Variants in ART4 observed in about 807,000 individuals in gnomAD.
The protein encoded by ART4 is ADP-ribosyltransferase 4 (inactive) (Dombrock blood group).
In ART4, 14 loss-of-function variants were observed where a neutral mutation model predicts 24.2. That is an observed-to-expected ratio of 0.58 (90% confidence interval 0.38 to 0.90). The LOEUF is 0.90. Among genes scored for constraint, ART4 ranks in the 40% least tolerant of loss-of-function variants. The pLI, the probability that ART4 is intolerant of heterozygous loss-of-function variation, is 0.00. For missense variants in ART4, 356 were observed against 366.6 expected (o/e 0.97, Z 0.24); for synonymous variants, 145 against 139.9 (o/e 1.04, Z -0.26).
Position 14,828,524 on chromosome 12 carries a change from A to G in ART4, c.*847T>C, listed in dbSNP as rs756556937. The G allele has an allele frequency of 1.3e-5, 2 of 152,184 alleles. No homozygotes were observed. Among genetic ancestry groups the G allele is most frequent in the Non-Finnish European group, 2.9e-5 (2 of 68,020 alleles). 9.4% of individuals were successfully genotyped at this position (152,184 alleles called of 1,614,324 possible). A position where few individuals can be genotyped will look rare whatever the true frequency, so the allele number is the denominator to read the frequency against. ...TCTGAAGAAAATTCACACCTTGGTTAATCTCTGGGGTTCAAAGCTTTTCTG... is the reference window on the plus strand; with the variant it reads ...TCTGAAGAAAATTCACACCTTGGTTGATCTCTGGGGTTCAAAGCTTTTCTG... On this transcript the variant is annotated 3_prime_UTR_variant, in exon 3 of 3. Transcript: ENST00000228936.
rs1452764951 is a variant in ART4 at position 14,827,134 on chromosome 12, G to C, written c.*2237C>G. 2 of 151,838 alleles carry C rather than the reference G, an allele frequency of 1.3e-5. No homozygotes were observed. Among genetic ancestry groups the C allele is most frequent in the Non-Finnish European group, 2.9e-5 (2 of 68,008 alleles). The allele number at this position is 151,838 out of a possible 1,614,324, so 9.4% of individuals were successfully genotyped here. ...CCTAAGAGATTGTAAACTCATGAGAGATCTGGCCTAGTGTTCTTAACTTTT... is the reference window on the plus strand; with the variant it reads ...CCTAAGAGATTGTAAACTCATGAGACATCTGGCCTAGTGTTCTTAACTTTT... On this transcript the variant is annotated 3_prime_UTR_variant, in exon 3 of 3. Transcript: ENST00000228936.
intron 2 of ART4, among the ~76,000 whole-genome samples, chr12:14,839,998 T>C (rs1191495840): frequency 1.3e-5 from 2 of 152,340 alleles, no homozygotes; most frequent in East Asian, 3.9e-4. Context: ...GGTTATAATT[T>C]TGCTTTATTC....
intron 1 of ART4, among the ~76,000 whole-genome samples, chr12:14,841,435 A>G (rs1055928098): frequency 6.6e-6 from 1 of 152,244 alleles, no homozygotes; most frequent in Non-Finnish European, 1.5e-5. Flanking sequence ...GCATGTTTGC[A>G]TAGTAAGTAC....
intron 2 of ART4, among the ~76,000 whole-genome samples, chr12:14,834,592 CAAAT>C (rs1394360008): frequency 1.9e-4 from 29 of 152,286 alleles, no homozygotes; most frequent in African/African-American, 6.5e-4. Context: ...AACATTTTAA[CAAAT>C]AAATCCCTGT....
intron 2 of ART4, among the ~76,000 whole-genome samples, chr12:14,833,810 A>G (rs946212526): frequency 3.9e-5 from 6 of 152,204 alleles, no homozygotes; most frequent in African/African-American, 1.4e-4. Context: ...GGCAAATGCT[A>G]TCTATAGCCT....
chr12:14,835,824 C>G (rs370665680), intron 2 of ART4, among the ~76,000 whole-genome samples: 1 of 151,914 alleles, frequency 6.6e-6, no homozygotes, highest in African/African-American at 2.4e-5. Flanking sequence ...AGGCTGGTCT[C>G]GATCTCCTGA....
intron 1 of ART4, 132 bp downstream of exon 1, chr12:14,842,838 G>T: frequency 8.6e-7 from 1 of 1,158,426 alleles, no homozygotes; most frequent in Non-Finnish European, 1.2e-6. Context: ...TTACTAACAT[G>T]ATTTGTTAAA....
intron 2 of ART4, among the ~76,000 whole-genome samples, chr12:14,837,943 G>C (rs1022649114): frequency 6.6e-6 from 1 of 152,206 alleles, no homozygotes; most frequent in Non-Finnish European, 1.5e-5. Context: ...GGTACAGTGG[G>C]ATATAAATTC....
chr12:14,840,473 C>G lies in ART4; in HGVS notation c.825G>C (p.Leu275=). 4 of 1,613,182 alleles carry G rather than the reference C, an allele frequency of 2.5e-6. No homozygotes were observed. Among genetic ancestry groups the G allele is most frequent in the Non-Finnish European group, 3.4e-6 (4 of 1,179,630 alleles). Residue 275 remains leucine (L), a synonymous_variant, in exon 2 of 3, where the codon CTG becomes CTC. Transcript: ENST00000228936. ...DWLQLRSTGN[L]STYNCQLLKA... is the part of the protein sequence containing the mutation. ...TTAGCAGCTGACAGTTATATGTGCT[C>G]AGGTTCCCAGTTGACCTCAACTGCA...
At chr12:14,839,379 T>A (rs1950451163) in intron 2 of ART4, among the ~76,000 whole-genome samples, 1 of 152,236 alleles carries the variant, frequency 6.6e-6, no homozygotes, top group Non-Finnish European at 1.5e-5. Flanking sequence ...TTAGTCTGTT[T>A]TCTGTTGCAA....
intron 2 of ART4, 133 bp downstream of exon 2, chr12:14,840,312 A>G (rs762940535): frequency 4.3e-6 from 3 of 697,164 alleles, no homozygotes; most frequent in Non-Finnish European, 7.0e-6. Flanking sequence ...TCTCTAATCT[A>G]TCAGTTCCAT....
intron 2 of ART4, among the ~76,000 whole-genome samples, chr12:14,838,889 T>C (rs1432922684): frequency 6.7e-6 from 1 of 148,502 alleles, no homozygotes; most frequent in Non-Finnish European, 1.5e-5. Context: ...TAAATTTACA[T>C]ATGAACAGTC....
At chr12:14,832,605 A>G (rs1950404226) in intron 2 of ART4, among the ~76,000 whole-genome samples, 1 of 152,172 alleles carries the variant, frequency 6.6e-6, no homozygotes, top group South Asian at 2.1e-4. Flanking sequence ...ATTTTCACCT[A>G]TTTCCTTCCC....
chr12:14,837,126 G>C (rs529485879), intron 2 of ART4, among the ~76,000 whole-genome samples: 2 of 152,282 alleles, frequency 1.3e-5, no homozygotes, highest in African/African-American at 4.8e-5. Flanking sequence ...ATCATGACCA[G>C]TGGTATTTTT....
At chr12:14,837,509 TTTTA>T (rs1389221488) in intron 2 of ART4, among the ~76,000 whole-genome samples, 1 of 152,168 alleles carries the variant, frequency 6.6e-6, no homozygotes, top group Non-Finnish European at 1.5e-5. Context: ...ATATAAATAA[TTTTA>T]TTTATTTATT....
At position 14,843,118 on chromosome 12, in the gene ART4, T is replaced by C; in HGVS notation, c.-5A>G. 1 of 1,613,998 alleles carries C rather than the reference T, an allele frequency of 6.2e-7. No individual in the cohort carries two copies. The highest frequency in any genetic ancestry group is 8.5e-7 in the Non-Finnish European group (1 of 1,179,886). On this transcript the variant is annotated 5_prime_UTR_variant, in exon 1 of 3. Transcript: ENST00000228936. ...TCTGTTGATCAATGGACCCATTTGC[T>C]TGTGTCACAAGTACTTCTCCTTTGC...
intron 2 of ART4, among the ~76,000 whole-genome samples, chr12:14,838,955 C>G (rs1950448329): frequency 6.6e-6 from 1 of 151,536 alleles, no homozygotes; most frequent in Non-Finnish European, 1.5e-5. Context: ...ACAACTACCC[C>G]TCCATGAAAT....
intron 2 of ART4, 86 bp from the exon 3 acceptor site, chr12:14,829,548 A>G (rs1950380490): frequency 2.0e-5 from 18 of 906,608 alleles, no homozygotes; most frequent in Non-Finnish European, 3.0e-5. Context: ...CACTTACTTA[A>G]CTTAGAAAAT....
rs752025185 is a variant in ART4 at position 14,840,559 on chromosome 12, T to A, written c.739A>T (p.Ile247Phe). ...QYFSLKKEVL[I>F]PPYELFKVIN... ...ACTTTAAACAGCTCATAGGGAGGGA[T>A]CAAGACTTCCTTCTTGAGGGAGAAG... Residue 247 changes from isoleucine (I) to phenylalanine (F), a missense_variant, in exon 2 of 3, where the codon ATC becomes TTC. Physicochemically the swap from Ile to Phe is conservative, Grantham distance 21. Coordinates refer to ENST00000228936, the MANE Select transcript of ART4 (RefSeq NM_021071.4). 8.1e-6 allele frequency: 13 copies of A among 1,614,018 alleles called. No homozygotes were observed. In the East Asian group the frequency reaches 2.7e-4, roughly 33 times the overall value.
Sources: allele counts gnomAD v4.1 joint callset (sites outside exome capture counted in the v4.1 genomes callset), GRCh38; gene constraint gnomAD v4.1.1; transcripts MANE v1.5; gene names NCBI Gene and HGNC (gene_info 2026-07-23, HGNC 2026-07-21).